RHAG: variants seen among roughly 807,000 people sequenced by gnomAD.
RHAG encodes Rh associated glycoprotein.
In RHAG, 25 loss-of-function variants were observed where a neutral mutation model predicts 42.4. That is an observed-to-expected ratio of 0.59 (90% CI 0.43 to 0.82). RHAG has a LOEUF of 0.82. Among genes scored for constraint, RHAG ranks in the 40% least tolerant of loss-of-function variants. The pLI is 0.00. For synonymous variants in RHAG, 182 were observed against 177.7 expected, an observed-to-expected ratio of 1.02 and a Z score of -0.19; for missense variants, 483 against 504.6, an observed-to-expected ratio of 0.96 and a Z score of 0.41.
intron 1 of RHAG, among the ~76,000 whole-genome samples, chr6:49,634,724 A>G (rs1447967905): frequency 6.6e-6 from 1 of 152,130 alleles, no homozygotes; most frequent in Admixed American, 6.6e-5. Context: ...TTCTTCATGA[A>G]TCATAAAATC....
chr6:49,627,413 A>G (rs1030371554), intron 1 of RHAG, among the ~76,000 whole-genome samples: 3 of 152,078 alleles, frequency 2.0e-5, no homozygotes, highest in African/African-American at 7.2e-5. Flanking sequence ...TCCCCATCTC[A>G]CTATCACCAT....
At chr6:49,620,673 G>A (rs772907323) in intron 1 of RHAG, among the ~76,000 whole-genome samples, 8 of 152,096 alleles carry the variant, frequency 5.3e-5, no homozygotes, top group African/African-American at 1.9e-4. Context: ...CTGGGATTAC[G>A]GGCGCATGCC....
chr6:49,620,542 T>G (rs1220753804), intron 1 of RHAG, among the ~76,000 whole-genome samples: 3 of 151,274 alleles, frequency 2.0e-5, no homozygotes, highest in Non-Finnish European at 4.4e-5. Flanking sequence ...TCTCTTTTTT[T>G]GGGGGGGGAG....
In RHAG at chr6:49,614,816, G is replaced by C; in HGVS notation, c.678C>G (p.Asn226Lys). ...LFLWMFWPSF[N>K]SAIAEPGDKQ... The stretch of plus-strand genomic sequence containing the variant: ...TGTCTCCAGGTTCAGCAATGGCCGA[G>C]TTAAAGCTGGGCCAAAACATCCACA... The change falls in exon 5 of 10, where the codon AAC (asparagine) becomes AAG (lysine). Residue 226 changes from asparagine (N) to lysine (K), a missense_variant. Asn to Lys is a moderately conservative substitution (Grantham distance 94). Transcript: ENST00000371175. 1 of 1,614,220 alleles carries C rather than the reference G, an allele frequency of 6.2e-7. No homozygotes were observed. The highest frequency in any genetic ancestry group is 8.5e-7 in the Non-Finnish European group (1 of 1,180,046).
At chr6:49,616,060 A>C (rs889169200) in intron 3 of RHAG, among the ~76,000 whole-genome samples, 4 of 152,186 alleles carry the variant, frequency 2.6e-5, no homozygotes, top group African/African-American at 9.7e-5. Flanking sequence ...AAAATGGGGA[A>C]ATATTACCCA....
At chr6:49,607,674 T>C (rs1200791844) in intron 7 of RHAG, among the ~76,000 whole-genome samples, 1 of 152,226 alleles carries the variant, frequency 6.6e-6, no homozygotes, top group Non-Finnish European at 1.5e-5. Context: ...TATCTCTATA[T>C]GTCATCTTAG....
intron 1 of RHAG, among the ~76,000 whole-genome samples, chr6:49,622,215 G>C (rs999021090): frequency 1.1e-4 from 14 of 122,088 alleles, no homozygotes; most frequent in Non-Finnish European, 2.3e-4. Flanking sequence ...AAGATCTGAT[G>C]GTTTTTTTTT....
chr6:49,614,859 G>A lies in RHAG; in HGVS notation c.641-6C>T. 3 of 1,614,046 alleles carry A rather than the reference G, an allele frequency of 1.9e-6. No homozygotes were observed. Among genetic ancestry groups the A allele is most frequent in the Non-Finnish European group, 2.5e-6 (3 of 1,179,872 alleles). On this transcript the variant is annotated splice_polypyrimidine_tract_variant and splice_region_variant and intron_variant, in intron 4 of 9. Transcript: ENST00000371175. ...CATCCACAGAAAGAGAGTCCCTGTA[G>A]TGAACCAAAAGAGGGGATATTAGTT...
chr6:49,631,590 G>A (rs2127358662), intron 1 of RHAG, among the ~76,000 whole-genome samples: 1 of 152,294 alleles, frequency 6.6e-6, no homozygotes, highest in East Asian at 1.9e-4. Context: ...ACATGGCCCT[G>A]TTAGTCTTTA....
chr6:49,626,445 C>T (rs1762846768), intron 1 of RHAG, among the ~76,000 whole-genome samples: 1 of 152,250 alleles, frequency 6.6e-6, no homozygotes, highest in African/African-American at 2.4e-5. Flanking sequence ...CCATGTCTCA[C>T]ATCCAGGTCA....
chr6:49,619,235 A>T lies in RHAG; in HGVS notation c.285T>A (p.Thr95=). 1.2e-6 allele frequency: 2 copies of T among 1,614,146 alleles called. No individual in the cohort carries two copies. Among genetic ancestry groups the T allele is most frequent in the Non-Finnish European group, 1.7e-6 (2 of 1,179,996 alleles). ...LVAALGLQWG[T]IVQGILQSQG... ...GGCTTTGCAGGATTCCCTGTACAATAGTGCCCCACTGGAGGCCCAAAGCAG... is the reference window on the plus strand; with the variant it reads ...GGCTTTGCAGGATTCCCTGTACAATTGTGCCCCACTGGAGGCCCAAAGCAG... Residue 95 remains threonine, a synonymous_variant, in exon 2 of 10, where the codon ACT becomes ACA. Transcript: ENST00000371175.
intron 9 of RHAG, 33 bp from the exon 10 acceptor site, chr6:49,605,863 G>A (rs1468188412): frequency 6.3e-7 from 1 of 1,576,502 alleles, no homozygotes; most frequent in Non-Finnish European, 8.7e-7. Context: ...GCACTTAATA[G>A]TTTATTTCAC....
At chr6:49,631,962 A>T (rs1562020764) in intron 1 of RHAG, 2 of 152,204 alleles carry the variant, frequency 1.3e-5, no homozygotes, top group Admixed American at 6.5e-5. Context: ...AAGTCATGAA[A>T]TGATTTCGAG....
chr6:49,621,199 G>A (rs952334515), intron 1 of RHAG, among the ~76,000 whole-genome samples: 2 of 152,100 alleles, frequency 1.3e-5, no homozygotes, highest in African/African-American at 2.4e-5. Flanking sequence ...GCTGAGATGC[G>A]CTGCCCAGAT....
intron 6 of RHAG, among the ~76,000 whole-genome samples, chr6:49,611,490 C>G (rs1224314662): frequency 6.6e-6 from 1 of 152,114 alleles, no homozygotes; most frequent in Non-Finnish European, 1.5e-5. Context: ...CATTAGCGCT[C>G]TAGGCATATT....
rs144049164 is a variant in RHAG, at chr6:49,636,768, G to T, written c.45C>A (p.Ala15=). The change falls in exon 1 of 10, where the codon GCC becomes GCA. Residue 15 remains alanine, a synonymous_variant. Coordinates refer to ENST00000371175, the MANE Select transcript of RHAG (RefSeq NM_000324.3). The stretch of plus-strand genomic sequence containing the variant: ...CAAATAATCCAAATAAAACAATCAT[G>T]GCAATTTCCAGGACTATAGCCATGA... The part of the protein sequence containing the change: ...FPLMAIVLEI[A]MIVLFGLFVE... 6 of 1,613,772 alleles carry T rather than the reference G, an allele frequency of 3.7e-6. No individual in the cohort carries two copies. The highest frequency in any genetic ancestry group is 1.3e-5 in the African/African-American group (1 of 74,880).
chr6:49,612,677 T>G, intron 5 of RHAG, 143 bp from the exon 6 acceptor site: 1 of 1,014,788 alleles, frequency 9.9e-7, no homozygotes, highest in Non-Finnish European at 1.5e-6. Context: ...GAGGTTTGTT[T>G]GGATTTATAG....
intron 1 of RHAG, among the ~76,000 whole-genome samples, chr6:49,621,600 C>T (rs1037622039): frequency 1.3e-5 from 2 of 152,102 alleles, no homozygotes; most frequent in African/African-American, 4.8e-5. Context: ...ACCTGTTTCC[C>T]TTTTTGCTTT....
chr6:49,615,042 G>A (rs2127352031), intron 4 of RHAG, 189 bp from the exon 5 acceptor site: 1 of 577,644 alleles, frequency 1.7e-6, no homozygotes, highest in African/African-American at 1.9e-5. Flanking sequence ...CCACCTCTCA[G>A]GTTCAAGCAA....
Sources: gnomAD v4.1 joint callset for allele counts (sites outside exome capture counted in the v4.1 genomes callset) on GRCh38, gnomAD v4.1.1 for gene constraint, MANE v1.5 for transcripts, NCBI Gene and HGNC (gene_info 2026-07-23, HGNC 2026-07-21) for gene names.